Variants in PTPN4 observed in about 807,000 individuals in gnomAD.
PTPN4 encodes the protein protein tyrosine phosphatase non-receptor type 4.
A neutral mutation model predicts 135.5 loss-of-function variants in PTPN4; 49 were observed. The observed-to-expected ratio is 0.36, with a 90% CI of 0.29 to 0.46. PTPN4 has a LOEUF of 0.46. Ranked by LOEUF, PTPN4 falls within the 20% of genes least tolerant of loss-of-function variation. The pLI, the probability that PTPN4 is intolerant of heterozygous loss-of-function variation, is 1.00. For missense variants in PTPN4, 860 were observed against 1,101.0 expected (o/e 0.78, Z 3.10); for synonymous variants, 333 against 369.9 (o/e 0.90, Z 1.14).
chr2:119,783,502 A>G (rs890457613), intron 1 of PTPN4, among the ~76,000 whole-genome samples: 1 of 152,220 alleles, frequency 6.6e-6, no homozygotes, highest in Non-Finnish European at 1.5e-5. Flanking sequence ...TACAAATAGT[A>G]ATGTGTCTTT....
chr2:119,851,347 A>G (rs913834216), intron 2 of PTPN4, among the ~76,000 whole-genome samples: 11 of 152,184 alleles, frequency 7.2e-5, no homozygotes, highest in African/African-American at 2.4e-4. Context: ...TTTCAGCAGG[A>G]GTGGAAGTTT....
At chr2:119,796,661 A>G (rs983183512) in intron 1 of PTPN4, among the ~76,000 whole-genome samples, 3 of 152,226 alleles carry the variant, frequency 2.0e-5, no homozygotes, top group Admixed American at 1.3e-4. Context: ...AAACATTCAT[A>G]TACAGATCTT....
intron 1 of PTPN4, among the ~76,000 whole-genome samples, chr2:119,798,165 C>T (rs1691297293): frequency 6.6e-6 from 1 of 151,080 alleles, no homozygotes; most frequent in Non-Finnish European, 1.5e-5. Flanking sequence ...TTTACTGCAA[C>T]ATCTTTTTTT....
intron 15 of PTPN4, among the ~76,000 whole-genome samples, chr2:119,944,108 A>G (rs906566105): frequency 5.9e-5 from 9 of 152,186 alleles, no homozygotes; most frequent in African/African-American, 2.2e-4. Context: ...AGCAGATACT[A>G]GGTATAAAAT....
chr2:119,845,360 A>AT (rs1677481120), intron 2 of PTPN4, among the ~76,000 whole-genome samples: 1 of 150,358 alleles, frequency 6.7e-6, no homozygotes, highest in Non-Finnish European at 1.5e-5. Context: ...TCTGGATCTG[A>AT]TTTTTTCTTT....
At position 119,979,512 on chromosome 2, in the gene PTPN4, A is replaced by G. The variant is rs908615128; in HGVS notation, c.*2442A>G. Reference sequence around the variant, plus strand: ...GCAGAAAAGATCCTTTTTGAAAACCATATTTATTGGGATCTTATTTAAATT... The same window carrying G: ...GCAGAAAAGATCCTTTTTGAAAACCGTATTTATTGGGATCTTATTTAAATT... On this transcript the variant is annotated 3_prime_UTR_variant, in exon 27 of 27. Transcript: ENST00000263708. 2 of 152,130 alleles carry G rather than the reference A, an allele frequency of 1.3e-5. No homozygotes were observed. Among genetic ancestry groups the G allele is most frequent in the African/African-American group, 2.4e-5 (1 of 41,466 alleles). 9.4% of individuals were successfully genotyped at this position (152,130 alleles called of 1,614,324 possible). A position where few individuals can be genotyped will look rare whatever the true frequency, so the allele number is the denominator to read the frequency against.
chr2:119,873,169 G>GTT lies in PTPN4; in HGVS notation c.247-4143_247-4142dup, dbSNP rs113550051. Among the ~76,000 whole-genome samples, 8 of 145,172 alleles carry GTT rather than the reference G, an allele frequency of 5.5e-5. No individual in the cohort carries two copies. In the South Asian group the frequency reaches 6.6e-4, roughly 12 times the overall value. ...ACCACATCTGGCTAATTTTTTCTGG[G>GTT]TTTTTTTTTTTTGTTGTTGTTGTTG... On this transcript the variant is annotated intron_variant, in intron 3 of 26. Transcript: ENST00000263708.
At position 119,804,614 on chromosome 2, in the gene PTPN4, CT is replaced by C. The variant is rs558781021; in HGVS notation, c.-17-5217del. On this transcript the variant is annotated intron_variant, in intron 1 of 26. Transcript: ENST00000263708. Reference sequence around the variant, plus strand: ...TCCCTGCAAAGGACGTGAACTCATCCTTTTTTATGGCTGCATAGTATTCCAT... The same window carrying C: ...TCCCTGCAAAGGACGTGAACTCATCCTTTTTATGGCTGCATAGTATTCCAT... Among the ~76,000 whole-genome samples the C allele has an allele frequency of 2.6e-4, 39 of 152,196 alleles. No individual in the cohort carries two copies. The South Asian group carries it at 8.1e-3, about 32-fold the overall frequency.
rs1257711116 is a variant in PTPN4, at chr2:119,847,328, A to ATATATTT, written c.139-15207_139-15206insATATTTT. Among the ~76,000 whole-genome samples, 224 of 102,684 alleles carry ATATATTT rather than the reference A, an allele frequency of 2.2e-3. 3 individuals carry two copies. The highest frequency in any genetic ancestry group is 2.9e-3 in the Non-Finnish European group (155 of 53,322). The allele number at this position is 102,684 out of a possible 152,430, so 67.4% of individuals were successfully genotyped here. A position where few individuals can be genotyped will look rare whatever the true frequency, so the allele number is the denominator to read the frequency against. On this transcript the variant is annotated intron_variant, in intron 2 of 26. Coordinates refer to ENST00000263708, the MANE Select transcript of PTPN4 (RefSeq NM_002830.4). ...CACACACACACACATATATATATAT[A>ATATATTT]TTTTTTTTTTTTTTTTGAGACAGAG...
At chr2:119,822,648 C>T (rs566778668) in intron 2 of PTPN4, among the ~76,000 whole-genome samples, 2 of 152,226 alleles carry the variant, frequency 1.3e-5, no homozygotes, top group South Asian at 2.1e-4. Flanking sequence ...TGAGCCACCG[C>T]ACCCGGCCTG....
chr2:119,834,084 G>C (rs1359712037), intron 2 of PTPN4, among the ~76,000 whole-genome samples: 2 of 152,120 alleles, frequency 1.3e-5, no homozygotes, highest in South Asian at 4.1e-4. Context: ...ATGATACAGG[G>C]TGCATGTTAC....
chr2:119,867,673 G>T (rs553364019), intron 3 of PTPN4, among the ~76,000 whole-genome samples: 1 of 152,130 alleles, frequency 6.6e-6, no homozygotes, highest in Non-Finnish European at 1.5e-5. Flanking sequence ...TTATCATGTA[G>T]ATATATGGTA....
intron 1 of PTPN4, among the ~76,000 whole-genome samples, chr2:119,798,463 G>A (rs1045423211): frequency 5.9e-5 from 9 of 152,128 alleles, no homozygotes; most frequent in Non-Finnish European, 1.0e-4. Context: ...CACCATGCGC[G>A]GCCAACTGCA....
intron 10 of PTPN4, among the ~76,000 whole-genome samples, chr2:119,913,309 G>T (rs893465281): frequency 1.2e-4 from 18 of 152,066 alleles, no homozygotes; most frequent in African/African-American, 4.1e-4. Flanking sequence ...TTGCATGTGG[G>T]TTTAATTTCT....
intron 2 of PTPN4, among the ~76,000 whole-genome samples, chr2:119,813,013 T>C (rs1676925204): frequency 6.6e-6 from 1 of 152,100 alleles, no homozygotes; most frequent in African/African-American, 2.4e-5. Context: ...AAAATAACCA[T>C]GTATTGTCCT....
At chr2:119,904,044 G>A (rs1678448503) in intron 10 of PTPN4, among the ~76,000 whole-genome samples, 1 of 152,168 alleles carries the variant, frequency 6.6e-6, no homozygotes, top group African/African-American at 2.4e-5. Context: ...TCATAAAATT[G>A]GAAGAAGCAC....
At chr2:119,775,442 C>T (rs1376390527) in intron 1 of PTPN4, among the ~76,000 whole-genome samples, 4 of 152,082 alleles carry the variant, frequency 2.6e-5, no homozygotes, top group South Asian at 2.1e-4. Context: ...TGGACAATGC[C>T]GCTGGCCACC....
chr2:119,918,312 C>A (rs1390559290), intron 11 of PTPN4, among the ~76,000 whole-genome samples: 1 of 152,098 alleles, frequency 6.6e-6, no homozygotes, highest in African/African-American at 2.4e-5. Flanking sequence ...TAGAAGGAAA[C>A]CTTCATACCC....
chr2:119,979,296 G>A lies in PTPN4; in HGVS notation c.*2226G>A, dbSNP rs985188161. 6.6e-6 allele frequency: 1 copy of A among 152,044 alleles called. No individual in the cohort carries two copies. The highest frequency in any genetic ancestry group is 1.5e-5 in the Non-Finnish European group (1 of 67,964). 9.4% of individuals were successfully genotyped at this position (152,044 alleles called of 1,614,324 possible). A position where few individuals can be genotyped will look rare whatever the true frequency, so the allele number is the denominator to read the frequency against. ...ATGTAAAGAGACAAAAGTCATGGTT[G>A]GCATGTTCTTTAATTTAGGGCCTTG... On this transcript the variant is annotated 3_prime_UTR_variant, in exon 27 of 27. Transcript: ENST00000263708.
Sources: allele counts gnomAD v4.1 joint callset (sites outside exome capture counted in the v4.1 genomes callset), GRCh38; gene constraint gnomAD v4.1.1; transcripts MANE v1.5; gene names NCBI Gene and HGNC (gene_info 2026-07-23, HGNC 2026-07-21).